Variants in SH2D4A observed in about 807,000 individuals in gnomAD.
The protein encoded by SH2D4A is SH2 domain-containing protein 4A.
A neutral mutation model predicts 64.7 loss-of-function variants in SH2D4A; 70 were observed. The ratio of observed to expected loss-of-function variants is 1.08; its 90% CI spans 0.89 to 1.32. The LOEUF (loss-of-function observed/expected upper bound fraction) is 1.32, where lower values mean the gene tolerates loss of function less well. Ranked by LOEUF, SH2D4A falls within the 40% of genes most tolerant of loss-of-function variation. The pLI, the probability that SH2D4A is intolerant of heterozygous loss-of-function variation, is 0.00. For missense variants in SH2D4A, 706 were observed against 540.1 expected (o/e 1.31, Z -3.04); for synonymous variants, 268 against 200.7 (o/e 1.34, Z -2.83).
intron 1 of SH2D4A, among the ~76,000 whole-genome samples, chr8:19,314,973 C>G (rs2052060836): frequency 6.6e-6 from 1 of 152,132 alleles, no homozygotes; most frequent in Non-Finnish European, 1.5e-5. Context: ...AATTAGAATT[C>G]AAACTGTATT....
intron 8 of SH2D4A, among the ~76,000 whole-genome samples, chr8:19,380,180 T>C (rs918935882): frequency 1.3e-5 from 2 of 152,208 alleles, no homozygotes; most frequent in Non-Finnish European, 2.9e-5. Flanking sequence ...ATATCTTCTT[T>C]GACAAATGTT....
chr8:19,341,007 C>T (rs1347434888), intron 4 of SH2D4A, among the ~76,000 whole-genome samples: 1 of 152,156 alleles, frequency 6.6e-6, no homozygotes, highest in Admixed American at 6.5e-5. Context: ...TTCTTTTGTA[C>T]AGATGAAGAA....
intron 6 of SH2D4A, among the ~76,000 whole-genome samples, chr8:19,363,130 C>T (rs997184717): frequency 6.6e-6 from 1 of 151,884 alleles, no homozygotes; most frequent in Admixed American, 6.6e-5. Context: ...GGCTGGAGTG[C>T]GATGGTGTGA....
chr8:19,339,830 C>G (rs374468173), intron 4 of SH2D4A, among the ~76,000 whole-genome samples: 1 of 152,010 alleles, frequency 6.6e-6, no homozygotes, highest in Non-Finnish European at 1.5e-5. Flanking sequence ...TTAAATGTAT[C>G]GACAGTGAGG....
chr8:19,383,623 G>C (rs770551386), intron 8 of SH2D4A, among the ~76,000 whole-genome samples: 1 of 151,980 alleles, frequency 6.6e-6, no homozygotes, highest in Non-Finnish European at 1.5e-5. Context: ...TCCTCTTCCC[G>C]AAGGTTTACT....
chr8:19,364,860 A>G (rs2052965190), intron 7 of SH2D4A, among the ~76,000 whole-genome samples: 1 of 152,162 alleles, frequency 6.6e-6, no homozygotes, highest in Admixed American at 6.5e-5. Flanking sequence ...GGTGGTGGAG[A>G]TACCATTGTC....
rs1297619944 is a variant in SH2D4A at position 19,342,915 on chromosome 8, C to T, written c.513+8058C>T. ...AATAGACAGGATTAAATCTACTTTC[C>T]GGGACACCTTGAGCCAGTCTCATTC... On this transcript the variant is annotated intron_variant, in intron 4 of 9. Transcript: ENST00000265807. 2.6e-5 allele frequency among the ~76,000 whole-genome samples: 4 copies of T among 152,026 alleles called. No homozygotes were observed. In the South Asian group the frequency reaches 6.2e-4, roughly 24 times the overall value.
intron 7 of SH2D4A, among the ~76,000 whole-genome samples, chr8:19,371,333 T>C (rs980845485): frequency 2.6e-5 from 4 of 152,146 alleles, no homozygotes; most frequent in African/African-American, 2.4e-5. Context: ...AATACTTTGC[T>C]GTGTGCAGTA....
chr8:19,382,693 C>T (rs1201103700), intron 8 of SH2D4A, among the ~76,000 whole-genome samples: 2 of 152,024 alleles, frequency 1.3e-5, no homozygotes, highest in African/African-American at 2.4e-5. Flanking sequence ...AGTTGAGGAG[C>T]ATCTTTATTG....
At chr8:19,328,199 T>C (rs1186211575) in intron 2 of SH2D4A, among the ~76,000 whole-genome samples, 1 of 152,202 alleles carries the variant, frequency 6.6e-6, no homozygotes, top group Admixed American at 6.5e-5. Flanking sequence ...TCTGTACCAG[T>C]GGCTTCAATA....
At chr8:19,352,385 G>T (rs1344992654) in intron 4 of SH2D4A, among the ~76,000 whole-genome samples, 1 of 152,208 alleles carries the variant, frequency 6.6e-6, no homozygotes, top group East Asian at 1.9e-4. Context: ...GATTACAGAG[G>T]GTTATTCTGA....
chr8:19,373,570 G>A lies in SH2D4A; in HGVS notation c.958G>A (p.Glu320Lys), dbSNP rs907696238. The A allele has an allele frequency of 1.2e-6, 2 of 1,613,116 alleles. No homozygotes were observed. The highest frequency in any genetic ancestry group is 2.7e-5 in the African/African-American group (2 of 74,732). Residue 320 changes from glutamate (E) to lysine (K), a missense_variant, in exon 8 of 10, where the codon GAG becomes AAG. By Grantham distance (56) the Glu-to-Lys change is moderately conservative. Coordinates refer to ENST00000265807, the MANE Select transcript of SH2D4A (RefSeq NM_022071.4). The part of the protein sequence containing the change: ...VVRTLSSSAQ[E>K]DIIRWFKEEQ... ...GAGGACACTGTCCAGCTCTGCCCAA[G>A]AGGACATCATCCGGTGGTTTAAAGA...
At chr8:19,394,522 A>G (rs1185397750) in intron 9 of SH2D4A, 28 bp from the exon 10 acceptor site, 3 of 1,534,134 alleles carry the variant, frequency 2.0e-6, no homozygotes, top group Non-Finnish European at 2.7e-6. Context: ...TACTTACACT[A>G]TCTGACCCCG....
intron 4 of SH2D4A, among the ~76,000 whole-genome samples, chr8:19,348,283 A>G (rs1436651094): frequency 6.6e-6 from 1 of 152,070 alleles, no homozygotes; most frequent in East Asian, 1.9e-4. Flanking sequence ...CCTTGTAGAG[A>G]CAGGGGTCTC....
intron 4 of SH2D4A, among the ~76,000 whole-genome samples, chr8:19,342,450 T>G (rs2052543746): frequency 1.3e-5 from 2 of 152,176 alleles, no homozygotes; most frequent in East Asian, 3.9e-4. Flanking sequence ...GCTGGGAGCT[T>G]GGATGCTATT....
chr8:19,331,206 G>T (rs561722305), intron 2 of SH2D4A, among the ~76,000 whole-genome samples: 1 of 152,276 alleles, frequency 6.6e-6, no homozygotes, highest in African/African-American at 2.4e-5. Context: ...GTATCCCAAG[G>T]CCACAGTACA....
At chr8:19,355,209 C>A (rs1377779263) in intron 4 of SH2D4A, among the ~76,000 whole-genome samples, 2 of 152,024 alleles carry the variant, frequency 1.3e-5, no homozygotes, top group African/African-American at 4.8e-5. Context: ...AAGAAACATC[C>A]TTTTTGCAAA....
chr8:19,389,309 GGC>G (rs2053444840), intron 8 of SH2D4A, among the ~76,000 whole-genome samples: 18 of 152,100 alleles, frequency 1.2e-4, no homozygotes, highest in Admixed American at 1.2e-3. Flanking sequence ...GCCTTTCCTG[GGC>G]AAAATGTTTA....
intron 2 of SH2D4A, among the ~76,000 whole-genome samples, chr8:19,330,425 C>A (rs2052351312): frequency 6.6e-6 from 1 of 152,170 alleles, no homozygotes; most frequent in African/African-American, 2.4e-5. Flanking sequence ...TTTCCCATCT[C>A]ATTCTCTTTC....
Sources: gnomAD v4.1 joint callset for allele counts (sites outside exome capture counted in the v4.1 genomes callset) on GRCh38, gnomAD v4.1.1 for gene constraint, MANE v1.5 for transcripts, NCBI Gene and HGNC (gene_info 2026-07-23, HGNC 2026-07-21) for gene names.